The following MMS22L variants were observed in gnomAD, a reference collection of about 807,000 sequenced individuals.
MMS22L encodes MMS22 like, DNA repair protein.
In MMS22L, 74 loss-of-function variants were observed where a neutral mutation model predicts 159.1. The ratio of observed to expected loss-of-function variants is 0.47; its 90% CI spans 0.39 to 0.56. The LOEUF is 0.56. Ranked by LOEUF, MMS22L falls within the 20% of genes least tolerant of loss-of-function variation. The pLI, the probability that MMS22L is intolerant of heterozygous loss-of-function variation, is 0.00. For missense variants in MMS22L, 1,351 were observed against 1,422.1 expected, an observed-to-expected ratio of 0.95 and a Z score of 0.80; for synonymous variants, 517 against 506.9, an observed-to-expected ratio of 1.02 and a Z score of -0.27.
rs528906620 is a variant in MMS22L at position 97,169,865 on chromosome 6, G to A, written c.2840-1625C>T. Among the ~76,000 whole-genome samples the A allele has an allele frequency of 5.3e-5, 8 of 152,114 alleles. No homozygotes were observed. In the East Asian group the frequency reaches 1.2e-3, roughly 22 times the overall value. On this transcript the variant is annotated intron_variant, in intron 19 of 24. Transcript: ENST00000683635. ...TCACTTTCTACAGTTTTAGTTACCC[G>A]TGCTATAGGGTACCACATGGTATAG... is the stretch of plus-strand genomic sequence containing the variant.
At chr6:97,268,535 C>T (rs947228837) in intron 7 of MMS22L, among the ~76,000 whole-genome samples, 4 of 151,892 alleles carry the variant, frequency 2.6e-5, no homozygotes, top group Non-Finnish European at 4.4e-5. Flanking sequence ...CTTCTCTTTT[C>T]CTAATAAGTC....
intron 24 of MMS22L, 73 bp from the exon 25 acceptor site, chr6:97,146,960 T>A: frequency 9.5e-7 from 1 of 1,057,732 alleles, no homozygotes; most frequent in Non-Finnish European, 1.4e-6. Flanking sequence ...ATTTACAAAT[T>A]AAGTCTGCCC....
At chr6:97,262,369 G>A (rs1814573578) in intron 9 of MMS22L, among the ~76,000 whole-genome samples, 1 of 151,962 alleles carries the variant, frequency 6.6e-6, no homozygotes, top group Non-Finnish European at 1.5e-5. Flanking sequence ...AGCAGGCCAG[G>A]CATGGTGGCT....
intron 14 of MMS22L, among the ~76,000 whole-genome samples, chr6:97,190,583 A>G (rs191058681): frequency 6.6e-6 from 1 of 152,352 alleles, no homozygotes; most frequent in East Asian, 1.9e-4. Context: ...AGCAACATCC[A>G]GCATTTACTG....
intron 14 of MMS22L, among the ~76,000 whole-genome samples, chr6:97,197,479 A>G (rs1470286020): frequency 6.6e-6 from 1 of 152,198 alleles, no homozygotes; most frequent in Non-Finnish European, 1.5e-5. Context: ...CCTTGGGGTT[A>G]AAGGCACTCA....
At chr6:97,185,018 A>G (rs1312694142) in intron 15 of MMS22L, among the ~76,000 whole-genome samples, 1 of 152,124 alleles carries the variant, frequency 6.6e-6, no homozygotes, top group Non-Finnish European at 1.5e-5. Context: ...CAAACACACC[A>G]GACATGTTCT....
intron 22 of MMS22L, among the ~76,000 whole-genome samples, chr6:97,158,505 G>A (rs1472533639): frequency 6.6e-6 from 1 of 152,146 alleles, no homozygotes; most frequent in Non-Finnish European, 1.5e-5. Flanking sequence ...ATTCTGGTAC[G>A]TTATATCTTT....
chr6:97,207,564 C>T (rs1807914835), intron 14 of MMS22L, among the ~76,000 whole-genome samples: 2 of 152,166 alleles, frequency 1.3e-5, no homozygotes, highest in Admixed American at 1.3e-4. Flanking sequence ...ACTTGAGGCT[C>T]TCCTCTCTCT....
At chr6:97,270,243 T>C (rs772605281) in intron 6 of MMS22L, 204 of 592,604 alleles carry the variant, frequency 3.4e-4, no homozygotes, top group Non-Finnish European at 5.8e-4. Flanking sequence ...TAGACTTGTA[T>C]AGTAAAGGTA....
intron 11 of MMS22L, among the ~76,000 whole-genome samples, chr6:97,234,530 T>A (rs1199567970): frequency 1.3e-5 from 2 of 152,202 alleles, no homozygotes; most frequent in Non-Finnish European, 2.9e-5. Context: ...ATATATTTTT[T>A]AAATAACACA....
intron 23 of MMS22L, 74 bp downstream of exon 23, chr6:97,151,693 ATTAG>A (rs1801332657): frequency 1.8e-6 from 2 of 1,096,324 alleles, no homozygotes; most frequent in Non-Finnish European, 2.8e-6. Context: ...GTTTTGGATA[ATTAG>A]TTATTTAAAA....
At chr6:97,247,099 G>A (rs4333425) in intron 10 of MMS22L, among the ~76,000 whole-genome samples, 113,868 of 150,266 alleles carry the variant, frequency 0.76, 44,051 homozygotes, top group Middle Eastern at 0.85. Context: ...CCTTCATTTT[G>A]TGAATAACAA....
Position 97,228,961 on chromosome 6 carries a change from G to T in MMS22L, c.1972C>A (p.Arg658=). The T allele has an allele frequency of 6.2e-7, 1 of 1,614,016 alleles. No homozygotes were observed. Among genetic ancestry groups the T allele is most frequent in the South Asian group, 1.1e-5 (1 of 91,076 alleles). Residue 658 remains arginine (R), a synonymous_variant, in exon 14 of 25, where the codon CGA becomes AGA. Coordinates refer to ENST00000683635, the MANE Select transcript of MMS22L (RefSeq NM_001350599.2). The part of the protein sequence containing the change: ...LLNDGFSMLL[R]ACRESELRTV... ...CTAAGTTCAGATTCTCGACATGCTC[G>T]CAGAAGCATACTAAATCCATCATTA...
chr6:97,167,082 T>A (rs189395072), intron 20 of MMS22L, among the ~76,000 whole-genome samples: 29 of 152,258 alleles, frequency 1.9e-4, no homozygotes, highest in East Asian at 1.5e-3. Context: ...GAAGCACTTA[T>A]CTTTAACATC....
intron 10 of MMS22L, 81 bp from the exon 11 acceptor site, chr6:97,246,771 TG>T: frequency 7.7e-6 from 7 of 904,142 alleles, no homozygotes; most frequent in Non-Finnish European, 1.2e-5. Flanking sequence ...GCAAATTAAG[TG>T]TGCAGTACAT....
intron 4 of MMS22L, among the ~76,000 whole-genome samples, chr6:97,278,559 T>C (rs761201952): frequency 6.6e-6 from 1 of 152,214 alleles, no homozygotes; most frequent in Non-Finnish European, 1.5e-5. Flanking sequence ...AGTTCTCATT[T>C]AAGTTCTCTA....
chr6:97,186,408 T>A, intron 15 of MMS22L, 89 bp downstream of exon 15: 1 of 1,078,522 alleles, frequency 9.3e-7, no homozygotes, highest in South Asian at 1.7e-5. Context: ...ATGTTTGCTA[T>A]ACAAGAGTTT....
chr6:97,150,243 G>A (rs1801188077), intron 23 of MMS22L, among the ~76,000 whole-genome samples: 1 of 152,120 alleles, frequency 6.6e-6, no homozygotes, highest in South Asian at 2.1e-4. Flanking sequence ...ACTGTGGGGA[G>A]GAGCAGGGAA....
intron 10 of MMS22L, among the ~76,000 whole-genome samples, chr6:97,252,536 T>C (rs1382440246): frequency 6.6e-6 from 1 of 151,228 alleles, no homozygotes; most frequent in Non-Finnish European, 1.5e-5. Flanking sequence ...TCCCAGCTAC[T>C]CGGGAGGCTG....
Sources: allele counts gnomAD v4.1 joint callset (sites outside exome capture counted in the v4.1 genomes callset), GRCh38; gene constraint gnomAD v4.1.1; transcripts MANE v1.5; gene names NCBI Gene and HGNC (gene_info 2026-07-23, HGNC 2026-07-21).